PGF: variants seen among roughly 807,000 people sequenced by gnomAD.
PGF encodes the protein placental growth factor.
Under a neutral mutation model 25.3 loss-of-function variants are expected in PGF, and 11 were observed. The ratio of observed to expected loss-of-function variants is 0.43; its 90% CI spans 0.27 to 0.72. PGF has a LOEUF of 0.72. PGF is among the 30% of genes least tolerant of loss of function. The pLI, the probability that PGF is intolerant of heterozygous loss-of-function variation, is 0.18. For missense variants in PGF, 230 were observed against 234.9 expected (o/e 0.98, Z 0.14); for synonymous variants, 105 against 97.9 (o/e 1.07, Z -0.43).
Position 74,953,597 on chromosome 14 carries a change from C to G in PGF, c.118+307G>C, listed in dbSNP as rs1428716716. Reference sequence around the variant, plus strand: ...TGGCACTCACTCCCCACCCTGTCCTCCAAGACCCCATCCATACCCTTAAAT... The same window carrying G: ...TGGCACTCACTCCCCACCCTGTCCTGCAAGACCCCATCCATACCCTTAAAT... On this transcript the variant is annotated intron_variant, in intron 2 of 6. Coordinates refer to ENST00000555567, the MANE Select transcript of PGF (RefSeq NM_002632.6). The surrounding 1 kb of genome is among the most constrained non-coding windows in gnomAD (Gnocchi z 5.4). Among the ~76,000 whole-genome samples, 2 of 152,102 alleles carry G rather than the reference C, an allele frequency of 1.3e-5. No homozygotes were observed. The highest frequency in any genetic ancestry group is 4.8e-5 in the African/African-American group (2 of 41,414).
chr14:74,942,502 T>C lies in PGF; in HGVS notation c.*204A>G. On this transcript the variant is annotated 3_prime_UTR_variant, in exon 7 of 7. Transcript: ENST00000555567. ...AGCTCCCAGGGGTCTGTGGCTGGCTTCTCTCTTTCTCTCACGTTGTTGAAG... is the reference window on the plus strand; with the variant it reads ...AGCTCCCAGGGGTCTGTGGCTGGCTCCTCTCTTTCTCTCACGTTGTTGAAG... 1 of 600,680 alleles carries C rather than the reference T, an allele frequency of 1.7e-6. No homozygotes were observed. The highest frequency in any genetic ancestry group is 2.9e-6 in the Non-Finnish European group (1 of 340,318). The allele number at this position is 600,680 out of a possible 1,614,324, so 37.2% of individuals were successfully genotyped here.
rs961320494 is a variant in PGF at position 74,954,023 on chromosome 14, A to C, written c.76-77T>G. On this transcript the variant is annotated intron_variant, in intron 1 of 6. Transcript: ENST00000555567. Reference sequence around the variant, plus strand: ...CTCTTGGGCCAAGTGTGATGGCAAGAAGGTAGGGGCCCCTCTGGGTTCCTT... The same window carrying C: ...CTCTTGGGCCAAGTGTGATGGCAAGCAGGTAGGGGCCCCTCTGGGTTCCTT... 1.0e-5 allele frequency: 15 copies of C among 1,474,878 alleles called. No homozygotes were observed. The Admixed American group carries it at 2.1e-4, about 21-fold the overall frequency. 91.4% of individuals were successfully genotyped at this position (1,474,878 alleles called of 1,614,324 possible).
At position 74,950,226 on chromosome 14, in the gene PGF, G is replaced by T. The variant is rs530211801; in HGVS notation, c.119-673C>A. On this transcript the variant is annotated intron_variant, in intron 2 of 6. Coordinates refer to ENST00000555567, the MANE Select transcript of PGF (RefSeq NM_002632.6). This position sits in a 1 kb window ranked among gnomAD's most constrained non-coding sequence, Gnocchi z 4.1. Reference sequence around the variant, plus strand: ...ATAAAGTCCACCCGCCATTTTCCACGACCTGCCTCCCCACCTCCTCTTTGA... The same window carrying T: ...ATAAAGTCCACCCGCCATTTTCCACTACCTGCCTCCCCACCTCCTCTTTGA... 6.6e-6 allele frequency among the ~76,000 whole-genome samples: 1 copy of T among 152,030 alleles called. No individual in the cohort carries two copies. Among genetic ancestry groups the T allele is most frequent in the Non-Finnish European group, 1.5e-5 (1 of 68,006 alleles).
chr14:74,946,479 G>A, intron 4 of PGF, 71 bp from the exon 5 acceptor site: 2 of 1,468,432 alleles, frequency 1.4e-6, no homozygotes, highest in Non-Finnish European at 1.9e-6. Flanking sequence ...CTGCCGCCCG[G>A]ACAGGTCCCC....
chr14:74,955,277 GA>G lies in PGF; in HGVS notation c.-36del. 1 of 1,348,210 alleles carries G rather than the reference GA, an allele frequency of 7.4e-7. No individual in the cohort carries two copies. Among genetic ancestry groups the G allele is most frequent in the Non-Finnish European group, 9.8e-7 (1 of 1,015,500 alleles). The allele number at this position is 1,348,210 out of a possible 1,614,324, so 83.5% of individuals were successfully genotyped here. ...CGTCCCGAGCCAGGGGGCTCCGAGGGAAAACCACCATGCTCATCCCCCGGGG... is the reference window on the plus strand; with the variant it reads ...CGTCCCGAGCCAGGGGGCTCCGAGGGAAACCACCATGCTCATCCCCCGGGG... On this transcript the variant is annotated 5_prime_UTR_variant, in exon 1 of 7. It removes the in-frame stop codon of an upstream open reading frame in the 5' UTR. Transcript: ENST00000555567. This position sits in a 1 kb window ranked among gnomAD's most constrained non-coding sequence, Gnocchi z 4.1.
At chr14:74,954,976 C>T (rs1169571265) in intron 1 of PGF, among the ~76,000 whole-genome samples, 192 bp downstream of exon 1, 3 of 151,836 alleles carry the variant, frequency 2.0e-5, no homozygotes, top group African/African-American at 4.8e-5. Flanking sequence ...CCAAGACAGC[C>T]CCCAGGACCT....
At chr14:74,942,769 G>T in intron 6 of PGF, 36 bp from the exon 7 acceptor site, 1 of 1,597,806 alleles carries the variant, frequency 6.3e-7, no homozygotes. Context: ...GCGGGTATCA[G>T]CACACTGTGG....
At chr14:74,944,348 C>T (rs966893276) in intron 6 of PGF, among the ~76,000 whole-genome samples, 3 of 151,908 alleles carry the variant, frequency 2.0e-5, no homozygotes, top group Non-Finnish European at 2.9e-5. Flanking sequence ...GCGATCCGCC[C>T]GCCTTGGCCT....
chr14:74,949,420 G>A lies in PGF; in HGVS notation c.252C>T (p.Thr84=), dbSNP rs137873442. The A allele has an allele frequency of 1.5e-4, 243 of 1,609,042 alleles. 1 individual carries two copies. The African/African-American group carries it at 2.9e-3, about 19-fold the overall frequency. ...SPSCVSLLRC[T]GCCGDENLHC... is the part of the protein sequence containing the mutation. ...GCAGATTCTCATCGCCGCAGCAGCC[G>A]GTGCAGCGCAGCAGGGAGACACAGG... is the stretch of plus-strand genomic sequence containing the variant. The change falls in exon 3 of 7, where the codon ACC becomes ACT. Residue 84 remains threonine, a synonymous_variant. Coordinates refer to ENST00000555567, the MANE Select transcript of PGF (RefSeq NM_002632.6).
chr14:74,954,665 C>T (rs528626233), intron 1 of PGF, among the ~76,000 whole-genome samples: 6 of 152,244 alleles, frequency 3.9e-5, no homozygotes, highest in East Asian at 1.9e-4. Context: ...AAAGGCACAG[C>T]GAGACCCCTT....
intron 3 of PGF, among the ~76,000 whole-genome samples, 161 bp from the exon 4 acceptor site, chr14:74,948,744 C>A (rs1253922227): frequency 6.6e-6 from 1 of 152,220 alleles, no homozygotes; most frequent in Non-Finnish European, 1.5e-5. Context: ...GCTCTCTCAG[C>A]TGCATGGGGA....
At position 74,949,435 on chromosome 14, in the gene PGF, G is replaced by A; in HGVS notation, c.237C>T (p.Ser79=). Residue 79 remains serine (S), a synonymous_variant, in exon 3 of 7, where the codon TCC becomes TCT. Coordinates refer to ENST00000555567, the MANE Select transcript of PGF (RefSeq NM_002632.6). The part of the protein sequence containing the change: ...VEHMFSPSCV[S]LLRCTGCCGD... The stretch of plus-strand genomic sequence containing the variant: ...CGCAGCAGCCGGTGCAGCGCAGCAG[G>A]GAGACACAGGATGGGCTGAACATGT... The A allele has an allele frequency of 6.2e-7, 1 of 1,612,410 alleles. No homozygotes were observed. Among genetic ancestry groups the A allele is most frequent in the South Asian group, 1.1e-5 (1 of 90,952 alleles).
chr14:74,944,602 G>A (rs537389508), intron 6 of PGF: 1 of 151,884 alleles, frequency 6.6e-6, no homozygotes, highest in East Asian at 1.9e-4. Flanking sequence ...CTGAGGTGCA[G>A]TGGATCTATC....
In PGF at chr14:74,953,914, T is replaced by C; in HGVS notation, c.108A>G (p.Ser36=). 1 of 1,613,724 alleles carries C rather than the reference T, an allele frequency of 6.2e-7. No individual in the cohort carries two copies. Among genetic ancestry groups the C allele is most frequent in the Non-Finnish European group, 8.5e-7 (1 of 1,179,946 alleles). The change falls in exon 2 of 7, where the codon TCA becomes TCG. Residue 36 remains serine, a synonymous_variant. Coordinates refer to ENST00000555567, the MANE Select transcript of PGF (RefSeq NM_002632.6). This position sits in a 1 kb window ranked among gnomAD's most constrained non-coding sequence, Gnocchi z 5.4. ...GCCTGGCCAGCTTACCTTCCACCTC[T>C]GACGAGCCGTTCCCAGCAGACAAGG... The part of the protein sequence containing the change: ...QWALSAGNGS[S]EVEVVPFQEV...
Position 74,944,259 on chromosome 14 carries a change from C to T in PGF, c.486-1526G>A, listed in dbSNP as rs201032763. On this transcript the variant is annotated intron_variant, in intron 6 of 6. Transcript: ENST00000555567. ...CTGGGACTATAGGCACCCACCACCA[C>T]ACCCGGCTAATTTTTTGTATTTTTA... is the stretch of plus-strand genomic sequence containing the variant. 2.4e-4 allele frequency among the ~76,000 whole-genome samples: 36 copies of T among 151,910 alleles called. 1 individual carries two copies. In the East Asian group the frequency reaches 6.2e-3, roughly 26 times the overall value.
Position 74,955,221 on chromosome 14 carries a change from G to A in PGF, c.22C>T (p.Pro8Ser). Residue 8 changes from proline (P) to serine (S), a missense_variant, in exon 1 of 7, where the codon CCT becomes TCT. Pro to Ser is a moderately conservative substitution (Grantham distance 74). Transcript: ENST00000555567. This position sits in a 1 kb window ranked among gnomAD's most constrained non-coding sequence, Gnocchi z 4.1. ...CCGGCCAGGAGCTGCAGGAAGCAAGGGAACAGCCTCATGACCGGCATCTTC... is the reference window on the plus strand; with the variant it reads ...CCGGCCAGGAGCTGCAGGAAGCAAGAGAACAGCCTCATGACCGGCATCTTC... Reference protein sequence around the residue: MPVMRLFPCFLQLLAGLA... With the variant: MPVMRLFSCFLQLLAGLA... 6.7e-7 allele frequency: 1 copy of A among 1,486,096 alleles called. No individual in the cohort carries two copies. Among genetic ancestry groups the A allele is most frequent in the Non-Finnish European group, 9.0e-7 (1 of 1,110,420 alleles). 92.1% of individuals were successfully genotyped at this position (1,486,096 alleles called of 1,614,324 possible).
chr14:74,953,689 C>T lies in PGF; in HGVS notation c.118+215G>A, dbSNP rs998610803. On this transcript the variant is annotated intron_variant, in intron 2 of 6. Transcript: ENST00000555567. The surrounding 1 kb of genome is among the most constrained non-coding windows in gnomAD (Gnocchi z 5.4). ...CTATACTGGCCCCAGCCCCACTCTCCGTGTGCTGGTGACTCCAGCCCACAC... is the reference window on the plus strand; with the variant it reads ...CTATACTGGCCCCAGCCCCACTCTCTGTGTGCTGGTGACTCCAGCCCACAC... Among the ~76,000 whole-genome samples, 3 of 152,204 alleles carry T rather than the reference C, an allele frequency of 2.0e-5. No individual in the cohort carries two copies. Among genetic ancestry groups the T allele is most frequent in the African/African-American group, 4.8e-5 (2 of 41,462 alleles).
chr14:74,955,574 C>A lies in PGF; in HGVS notation c.-332G>T, dbSNP rs1177661792. 3.9e-6 allele frequency: 1 copy of A among 256,212 alleles called. No individual in the cohort carries two copies. The highest frequency in any genetic ancestry group is 7.4e-6 in the Non-Finnish European group (1 of 135,750). 15.9% of individuals were successfully genotyped at this position (256,212 alleles called of 1,614,324 possible). A position where few individuals can be genotyped will look rare whatever the true frequency, so the allele number is the denominator to read the frequency against. On this transcript the variant is annotated 5_prime_UTR_variant, in exon 1 of 7. In the 5' UTR this introduces an upstream ATG that the reference lacks. Transcript: ENST00000555567. This position sits in a 1 kb window ranked among gnomAD's most constrained non-coding sequence, Gnocchi z 4.1. ...GGCGGCCGTCCGTCGATGCAGTTTCCTCCGCAGACAGCAGCTCCCTTCTGA... is the reference window on the plus strand; with the variant it reads ...GGCGGCCGTCCGTCGATGCAGTTTCATCCGCAGACAGCAGCTCCCTTCTGA...
chr14:74,949,587 C>T (rs1594987892), intron 2 of PGF, 34 bp from the exon 3 acceptor site: 1 of 1,478,310 alleles, frequency 6.8e-7, no homozygotes, highest in Non-Finnish European at 9.0e-7. Flanking sequence ...GTCAGGCCAG[C>T]AGAGACCTGC....
Sources: gnomAD v4.1 joint callset for allele counts (sites outside exome capture counted in the v4.1 genomes callset) on GRCh38, gnomAD v4.1.1 for gene constraint, Gnocchi (gnomAD v3.1) non-coding constraint, MANE v1.5 for transcripts, NCBI Gene and HGNC (gene_info 2026-07-23, HGNC 2026-07-21) for gene names.